GTF2A2: variants seen among roughly 807,000 people sequenced by gnomAD.
GTF2A2 encodes the protein transcription initiation factor IIA subunit 2.
GTF2A2 carries 9 observed loss-of-function variants against 14.3 expected under a neutral mutation model. The observed-to-expected ratio is 0.63, with a 90% CI of 0.38 to 1.10. The LOEUF is 1.10. Among genes scored for constraint, GTF2A2 ranks in the 50% least tolerant of loss-of-function variants. GTF2A2 has a pLI of 0.01. For missense variants in GTF2A2, 90 were observed against 124.6 expected (o/e 0.72, Z 1.32); for synonymous variants, 56 against 46.0 (o/e 1.22, Z -0.88).
intron 3 of GTF2A2, among the ~76,000 whole-genome samples, chr15:59,646,878 A>T (rs1378363234): frequency 6.6e-6 from 1 of 151,934 alleles, no homozygotes; most frequent in African/African-American, 2.4e-5. Context: ...AACATGAAAT[A>T]AGCTTTTCTG....
intron 1 of GTF2A2, among the ~76,000 whole-genome samples, chr15:59,653,590 T>C (rs1439066672): frequency 7.0e-6 from 1 of 142,944 alleles, no homozygotes; most frequent in African/African-American, 2.5e-5. Flanking sequence ...TTTTCTTGGG[T>C]CCTCTATTTT....
chr15:59,647,088 AT>A (rs1374984287), intron 3 of GTF2A2, among the ~76,000 whole-genome samples: 1 of 151,896 alleles, frequency 6.6e-6, no homozygotes, highest in East Asian at 1.9e-4. Flanking sequence ...GTTTATACAT[AT>A]TTACATACAT....
Position 59,638,544 on chromosome 15 carries a change from T to G in GTF2A2, c.*588A>C, listed in dbSNP as rs1566920739. 6.6e-6 allele frequency: 1 copy of G among 152,282 alleles called. No homozygotes were observed. Among genetic ancestry groups the G allele is most frequent in the Non-Finnish European group, 1.5e-5 (1 of 68,118 alleles). The allele number at this position is 152,282 out of a possible 1,614,324, so 9.4% of individuals were successfully genotyped here. ...TTTTTTCCCCCTTCCTCATGTTACC[T>G]GGTCTAAGAAGGAAAGTTTTTTGGT... On this transcript the variant is annotated 3_prime_UTR_variant, in exon 5 of 5. Transcript: ENST00000396060.
At position 59,638,794 on chromosome 15, in the gene GTF2A2, T is replaced by C; in HGVS notation, c.*338A>G. On this transcript the variant is annotated 3_prime_UTR_variant, in exon 5 of 5. Coordinates refer to ENST00000396060, the MANE Select transcript of GTF2A2 (RefSeq NM_004492.3). Reference sequence around the variant, plus strand: ...CATTCTGAAAGGGCATCATGTTCCTTGCAAAGGAAATGGGAAAATGCATTA... The same window carrying C: ...CATTCTGAAAGGGCATCATGTTCCTCGCAAAGGAAATGGGAAAATGCATTA... 1 of 195,286 alleles carries C rather than the reference T, an allele frequency of 5.1e-6. No homozygotes were observed. The highest frequency in any genetic ancestry group is 1.5e-4 in the East Asian group (1 of 6,844). 12.1% of individuals were successfully genotyped at this position (195,286 alleles called of 1,614,324 possible).
At position 59,647,353 on chromosome 15, in the gene GTF2A2, C is replaced by T. The variant is rs530563203; in HGVS notation, c.177+3316G>A. On this transcript the variant is annotated intron_variant, in intron 3 of 4. Coordinates refer to ENST00000396060, the MANE Select transcript of GTF2A2 (RefSeq NM_004492.3). Reference sequence around the variant, plus strand: ...CCCTCAAGTGATCCTCCCACCTTGGCCTCCCAAGGTGCTGGGATTACAGGC... The same window carrying T: ...CCCTCAAGTGATCCTCCCACCTTGGTCTCCCAAGGTGCTGGGATTACAGGC... Among the ~76,000 whole-genome samples the T allele has an allele frequency of 2.0e-5, 3 of 152,280 alleles. No individual in the cohort carries two copies. In the South Asian group the frequency reaches 6.2e-4, roughly 32 times the overall value.
intron 4 of GTF2A2, among the ~76,000 whole-genome samples, chr15:59,639,464 AT>A (rs10643204): frequency 2.3e-3 from 333 of 142,594 alleles, no homozygotes; most frequent in African/African-American, 8.2e-3. Flanking sequence ...ACTGTCCCAA[AT>A]TTTTTTTTTT....
intron 2 of GTF2A2, 141 bp from the exon 3 acceptor site, chr15:59,650,914 T>C: frequency 1.7e-6 from 1 of 572,522 alleles, no homozygotes; most frequent in Non-Finnish European, 3.1e-6. Flanking sequence ...TCCTTTGCCA[T>C]AACTGATGAT....
chr15:59,656,794 T>C (rs1193930726), intron 1 of GTF2A2: 1 of 152,220 alleles, frequency 6.6e-6, no homozygotes. Context: ...TTGTTAAAAG[T>C]GCTGATTTCA....
intron 3 of GTF2A2, among the ~76,000 whole-genome samples, chr15:59,646,338 G>T (rs1244414539): frequency 6.6e-6 from 1 of 152,210 alleles, no homozygotes; most frequent in African/African-American, 2.4e-5. Context: ...TTACAGGCAT[G>T]AACCACTGTA....
intron 3 of GTF2A2, among the ~76,000 whole-genome samples, chr15:59,647,244 C>T (rs1157526165): frequency 1.3e-5 from 2 of 152,044 alleles, no homozygotes; most frequent in Non-Finnish European, 2.9e-5. Context: ...GGGCACACAC[C>T]ATCACACCCA....
chr15:59,651,568 G>A (rs117615093), intron 2 of GTF2A2: 1 of 152,168 alleles, frequency 6.6e-6, no homozygotes, highest in Non-Finnish European at 1.5e-5. Flanking sequence ...GTAAATCTCA[G>A]AAGACTTAAA....
intron 4 of GTF2A2, chr15:59,640,142 C>G (rs1186173038): frequency 1.9e-5 from 2 of 103,436 alleles, no homozygotes; most frequent in African/African-American, 5.9e-5. Flanking sequence ...ACAATCTTCT[C>G]ACTAAAGATC....
intron 4 of GTF2A2, among the ~76,000 whole-genome samples, chr15:59,641,691 A>C (rs188266273): frequency 6.6e-6 from 1 of 152,346 alleles, no homozygotes; most frequent in Admixed American, 6.5e-5. Flanking sequence ...TATTTAACAG[A>C]TTAGATGAAT....
At chr15:59,644,697 T>G (rs1344045754) in intron 3 of GTF2A2, among the ~76,000 whole-genome samples, 2 of 152,080 alleles carry the variant, frequency 1.3e-5, no homozygotes, top group Non-Finnish European at 2.9e-5. Context: ...GAAGTTTAAG[T>G]TGAGTCCTAA....
rs1013293374 is a variant in GTF2A2, at chr15:59,646,053, T to C, written c.178-3791A>G. On this transcript the variant is annotated intron_variant, in intron 3 of 4. Transcript: ENST00000396060. The stretch of plus-strand genomic sequence containing the variant: ...CGCCTTAAAAAAAAAAAAAAAAGTG[T>C]GTATATTACTTTTTTTGTTTTGAGA... 2.0e-5 allele frequency among the ~76,000 whole-genome samples: 3 copies of C among 146,406 alleles called. No individual in the cohort carries two copies. The East Asian group carries it at 6.0e-4, about 29-fold the overall frequency.
At chr15:59,646,340 A>G (rs1019912512) in intron 3 of GTF2A2, among the ~76,000 whole-genome samples, 1 of 152,090 alleles carries the variant, frequency 6.6e-6, no homozygotes, top group African/African-American at 2.4e-5. Context: ...ACAGGCATGA[A>G]CCACTGTACC....
intron 3 of GTF2A2, among the ~76,000 whole-genome samples, chr15:59,647,268 TTTTG>T (rs1284586418): frequency 2.0e-5 from 3 of 151,878 alleles, no homozygotes; most frequent in Admixed American, 6.6e-5. Flanking sequence ...ACTTTGTTTG[TTTTG>T]TTTGTTTGTA....
intron 1 of GTF2A2, among the ~76,000 whole-genome samples, chr15:59,655,176 A>T (rs183462909): frequency 5.8e-4 from 89 of 152,294 alleles, no homozygotes; most frequent in Admixed American, 1.2e-3. Context: ...CATTTCCATT[A>T]GCAAACACAT....
In GTF2A2 at chr15:59,652,319, T is replaced by A. The variant is rs551380443; in HGVS notation, c.-42A>T. 3.8e-6 allele frequency: 4 copies of A among 1,044,516 alleles called. No individual in the cohort carries two copies. The African/African-American group carries it at 6.4e-5, about 17-fold the overall frequency. 64.7% of individuals were successfully genotyped at this position (1,044,516 alleles called of 1,614,324 possible). Reference sequence around the variant, plus strand: ...TTTGTTTTTCTTATTCAAGCTTGCATTGATGTCCTAAAAATTTAATATAAA... The same window carrying A: ...TTTGTTTTTCTTATTCAAGCTTGCAATGATGTCCTAAAAATTTAATATAAA... On this transcript the variant is annotated 5_prime_UTR_variant, in exon 2 of 5. The change abolishes an upstream ATG in the 5' untranslated region. Transcript: ENST00000396060.
Sources: gnomAD v4.1 joint callset for allele counts (sites outside exome capture counted in the v4.1 genomes callset) on GRCh38, gnomAD v4.1.1 for gene constraint, MANE v1.5 for transcripts, NCBI Gene and HGNC (gene_info 2026-07-23, HGNC 2026-07-21) for gene names.